PHIP: variants seen among roughly 807,000 people sequenced by gnomAD.
PHIP encodes PHIP subunit of CUL4-Ring ligase complex.
Under a neutral mutation model 236.8 loss-of-function variants are expected in PHIP, and 54 were observed. The observed-to-expected ratio is 0.23, with a 90% CI of 0.18 to 0.29. The LOEUF (loss-of-function observed/expected upper bound fraction) is 0.29. Among genes scored for constraint, PHIP ranks in the 10% least tolerant of loss-of-function variants. The probability of loss-of-function intolerance (pLI) is 1.00; values close to 1 mark genes in which losing one functional copy is unlikely to be tolerated. For missense variants in PHIP, 1,370 were observed against 2,190.8 expected (o/e 0.63, Z 7.48); for synonymous variants, 756 against 718.9 (o/e 1.05, Z -0.83).
intron 35 of PHIP, among the ~76,000 whole-genome samples, chr6:78,950,696 T>C (rs1774093982): frequency 6.6e-6 from 1 of 152,174 alleles, no homozygotes; most frequent in African/African-American, 2.4e-5. Flanking sequence ...ATATGCTCTA[T>C]ATCATCTCTG....
In PHIP at chr6:78,945,442, A is replaced by C. The variant is rs1020544845; in HGVS notation, c.4686T>G (p.Gly1562=). The part of the protein sequence containing the change: ...SKALNTLSSP[G]QSSFSHGTRN... The stretch of plus-strand genomic sequence containing the variant: ...TAGTGCCATGACTAAAACTGGATTG[A>C]CCAGGACTGGAAAGAGTATTCAAAG... The change falls in exon 39 of 40, where the codon GGT becomes GGG. Residue 1562 remains glycine, a synonymous_variant. Transcript: ENST00000275034. The C allele has an allele frequency of 1.9e-6, 3 of 1,611,610 alleles. No homozygotes were observed. The highest frequency in any genetic ancestry group is 2.5e-6 in the Non-Finnish European group (3 of 1,177,768).
In PHIP at chr6:78,965,812, C is replaced by T. The variant is rs756529074; in HGVS notation, c.3318-48G>A. The stretch of plus-strand genomic sequence containing the variant: ...TATTAAAAAATCTAAATTATTGTAT[C>T]ACAATTTTAATAAAATCAATTATCA... On this transcript the variant is annotated intron_variant, in intron 28 of 39. Coordinates refer to ENST00000275034, the MANE Select transcript of PHIP (RefSeq NM_017934.7). 1.4e-5 allele frequency: 17 copies of T among 1,223,274 alleles called. No individual in the cohort carries two copies. In the East Asian group the frequency reaches 4.0e-4, roughly 29 times the overall value. 75.8% of individuals were successfully genotyped at this position (1,223,274 alleles called of 1,614,324 possible). A position where few individuals can be genotyped will look rare whatever the true frequency, so the allele number is the denominator to read the frequency against.
At chr6:79,021,936 T>C (rs1771135618) in intron 9 of PHIP, among the ~76,000 whole-genome samples, 1 of 152,164 alleles carries the variant, frequency 6.6e-6, no homozygotes, top group East Asian at 1.9e-4. Context: ...TTTAACACCA[T>C]GTGATTATTA....
At chr6:78,956,894 C>A (rs1361760157) in intron 32 of PHIP, 1 of 151,992 alleles carries the variant, frequency 6.6e-6, no homozygotes, top group African/African-American at 2.4e-5. Flanking sequence ...ATTTATCTAT[C>A]CTATGAAACT....
At chr6:78,964,427 G>A (rs112953081) in intron 29 of PHIP, among the ~76,000 whole-genome samples, 63 of 152,184 alleles carry the variant, frequency 4.1e-4, no homozygotes, top group African/African-American at 1.4e-3. Context: ...TACTATGTTA[G>A]AAATTAGATG....
intron 14 of PHIP, 104 bp from the exon 15 acceptor site, chr6:79,015,320 A>C: frequency 4.1e-6 from 4 of 966,478 alleles, no homozygotes; most frequent in South Asian, 1.6e-5. Context: ...ATGGAGTTTT[A>C]AGAAGTATTA....
intron 39 of PHIP, among the ~76,000 whole-genome samples, chr6:78,944,834 T>A (rs143872223): frequency 6.6e-6 from 1 of 152,302 alleles, no homozygotes; most frequent in East Asian, 1.9e-4. Flanking sequence ...ACCTTCTTCA[T>A]CTTTCAAACA....
rs185692221 is a variant in PHIP, at chr6:79,000,700, T to A, written c.1879+1199A>T. ...TAATTTCAGTCCTATGACCAGAACT[T>A]CTCTAATACTGAAACTTATCTAATC... On this transcript the variant is annotated intron_variant, in intron 17 of 39. Transcript: ENST00000275034. 2.6e-3 allele frequency among the ~76,000 whole-genome samples: 392 copies of A among 152,146 alleles called. 2 individuals are homozygous for A. The highest frequency in any genetic ancestry group is 3.8e-3 in the Non-Finnish European group (258 of 67,946).
chr6:79,067,260 T>C (rs1244193951), intron 4 of PHIP, among the ~76,000 whole-genome samples: 1 of 152,156 alleles, frequency 6.6e-6, no homozygotes, highest in East Asian at 1.9e-4. Flanking sequence ...TGGATGCAAA[T>C]CCTGATGCCA....
chr6:78,956,403 G>C (rs1766419375), intron 32 of PHIP: 1 of 152,076 alleles, frequency 6.6e-6, no homozygotes, highest in South Asian at 2.1e-4. Context: ...TTGGTCAACT[G>C]TAGCAGTCAA....
chr6:79,045,396 A>C (rs1772432860), intron 6 of PHIP, among the ~76,000 whole-genome samples: 1 of 152,198 alleles, frequency 6.6e-6, no homozygotes. Context: ...GCTAGGACTC[A>C]CATTCGATGA....
intron 4 of PHIP, among the ~76,000 whole-genome samples, chr6:79,070,355 A>C (rs943417800): frequency 2.0e-5 from 3 of 152,228 alleles, no homozygotes; most frequent in Admixed American, 6.5e-5. Context: ...ATAATCTTGA[A>C]TGACCAGTTT....
chr6:79,058,487 A>C (rs1376459106), intron 6 of PHIP, among the ~76,000 whole-genome samples: 1 of 152,098 alleles, frequency 6.6e-6, no homozygotes, highest in Admixed American at 6.6e-5. Context: ...TTGAGTAGCC[A>C]AGTGTTATTA....
intron 13 of PHIP, among the ~76,000 whole-genome samples, chr6:79,016,321 T>G (rs1342203681): frequency 2.6e-5 from 4 of 151,958 alleles, no homozygotes; most frequent in Non-Finnish European, 4.4e-5. Flanking sequence ...CTTACAGTAC[T>G]TTTATCATCT....
chr6:78,953,902 T>C (rs1282618153), intron 35 of PHIP, among the ~76,000 whole-genome samples: 2 of 152,006 alleles, frequency 1.3e-5, no homozygotes, highest in African/African-American at 4.8e-5. Context: ...CTATATAACA[T>C]TTAATTACTT....
At chr6:79,048,722 A>G (rs1772630143) in intron 6 of PHIP, among the ~76,000 whole-genome samples, 1 of 152,198 alleles carries the variant, frequency 6.6e-6, no homozygotes, top group African/African-American at 2.4e-5. Flanking sequence ...ATGCTATATA[A>G]TACCTACTCC....
intron 35 of PHIP, among the ~76,000 whole-genome samples, chr6:78,951,162 CA>C (rs1453079157): frequency 6.6e-6 from 1 of 152,068 alleles, no homozygotes; most frequent in East Asian, 1.9e-4. Context: ...ATTGGCTTTA[CA>C]AACTTTGTGG....
chr6:79,020,727 T>C (rs1023569819), intron 9 of PHIP, among the ~76,000 whole-genome samples: 2 of 152,234 alleles, frequency 1.3e-5, no homozygotes, highest in Admixed American at 6.5e-5. Flanking sequence ...CTGTTCACAA[T>C]AGCGAAGATT....
At chr6:79,043,074 T>A (rs1358951228) in intron 6 of PHIP, 71 bp from the exon 7 acceptor site, 1 of 1,256,540 alleles carries the variant, frequency 8.0e-7, no homozygotes, top group Non-Finnish European at 1.1e-6. Context: ...CTTTTAAGAA[T>A]TCACATACTC....
Sources: gnomAD v4.1 joint callset for allele counts (sites outside exome capture counted in the v4.1 genomes callset) on GRCh38, gnomAD v4.1.1 for gene constraint, MANE v1.5 for transcripts, NCBI Gene and HGNC (gene_info 2026-07-23, HGNC 2026-07-21) for gene names.